CMTR1: variants seen among roughly 807,000 people sequenced by gnomAD.
The protein encoded by CMTR1 is cap methyltransferase 1.
Under a neutral mutation model 107.0 loss-of-function variants are expected in CMTR1, and 39 were observed. The ratio of observed to expected loss-of-function variants is 0.36; its 90% CI spans 0.28 to 0.48. CMTR1 has a LOEUF of 0.48. Among genes scored for constraint, CMTR1 ranks in the 20% least tolerant of loss-of-function variants. The pLI, the probability that CMTR1 is intolerant of heterozygous loss-of-function variation, is 0.99. For synonymous variants in CMTR1, 366 were observed against 379.5 expected (o/e 0.96, Z 0.41); for missense variants, 672 against 1,064.9 (o/e 0.63, Z 5.14).
At chr6:37,476,226 T>C in intron 20 of CMTR1, 32 bp downstream of exon 20, 1 of 1,610,562 alleles carries the variant, frequency 6.2e-7, no homozygotes, top group Non-Finnish European at 8.5e-7. Context: ...TCCATGCTTC[T>C]TTCTGGCCAG....
At chr6:37,435,459 C>A (rs1771506248) in intron 1 of CMTR1, among the ~76,000 whole-genome samples, 165 bp from the exon 2 acceptor site, 1 of 152,186 alleles carries the variant, frequency 6.6e-6, no homozygotes, top group Admixed American at 6.5e-5. Context: ...GTCTAGCATC[C>A]TTCCTAGACC....
At chr6:37,444,247 G>C (rs1307459224) in intron 3 of CMTR1, 97 bp downstream of exon 3, 7 of 1,460,884 alleles carry the variant, frequency 4.8e-6, no homozygotes, top group Middle Eastern at 1.8e-4. Context: ...TTTGGCCATA[G>C]GTTTTTCCTT....
Position 37,472,038 on chromosome 6 carries a change from G to A in CMTR1, c.1620+134G>A. On this transcript the variant is annotated intron_variant, in intron 15 of 23. Transcript: ENST00000373451. The surrounding 1 kb of genome is among the most constrained non-coding windows in gnomAD (Gnocchi z 4.1). ...CTGCTACCCTCACAGCATCCCAGAG[G>A]TTGACATCTCGGCATTGTTGGTAGT... is the stretch of plus-strand genomic sequence containing the variant. 1 of 786,294 alleles carries A rather than the reference G, an allele frequency of 1.3e-6. No individual in the cohort carries two copies. The highest frequency in any genetic ancestry group is 2.0e-6 in the Non-Finnish European group (1 of 495,008). The allele number at this position is 786,294 out of a possible 1,614,324, so 48.7% of individuals were successfully genotyped here. A position where few individuals can be genotyped will look rare whatever the true frequency, so the allele number is the denominator to read the frequency against.
At chr6:37,474,932 T>G (rs1046312683) in intron 18 of CMTR1, among the ~76,000 whole-genome samples, 1 of 152,132 alleles carries the variant, frequency 6.6e-6, no homozygotes. Flanking sequence ...CTGATTTAGT[T>G]TTTGACCAGA....
chr6:37,475,514 C>G (rs1761719974), intron 19 of CMTR1, 102 bp downstream of exon 19: 6 of 924,676 alleles, frequency 6.5e-6, no homozygotes, highest in Non-Finnish European at 1.0e-5. Context: ...GCCTTCTCTG[C>G]TTGTTGACAT....
intron 16 of CMTR1, 81 bp from the exon 17 acceptor site, chr6:37,473,389 G>A (rs1445011970): frequency 1.7e-5 from 25 of 1,501,866 alleles, no homozygotes; most frequent in African/African-American, 2.8e-5. Context: ...TTGCCTTGTC[G>A]AGCCTGCCCC....
intron 2 of CMTR1, among the ~76,000 whole-genome samples, chr6:37,441,740 G>A (rs1771681686): frequency 6.6e-6 from 1 of 152,102 alleles, no homozygotes; most frequent in Admixed American, 6.5e-5. Flanking sequence ...ACATTCTTGT[G>A]TCTCACAAAT....
At position 37,474,610 on chromosome 6, in the gene CMTR1, G is replaced by C. The variant is rs1761699619; in HGVS notation, c.1908G>C (p.Leu636=). ...AGACAGAGCTGCCCCGGGACACTCT[G>C]CTATCTGTGGAAATTGTGCATGAGC... is the stretch of plus-strand genomic sequence containing the variant. ...DLKTELPRDT[L]LSVEIVHELK... Residue 636 remains leucine, a synonymous_variant, in exon 18 of 24, where the codon CTG becomes CTC. Coordinates refer to ENST00000373451, the MANE Select transcript of CMTR1 (RefSeq NM_015050.3). 6.2e-7 allele frequency: 1 copy of C among 1,614,050 alleles called. No individual in the cohort carries two copies. Among genetic ancestry groups the C allele is most frequent in the Non-Finnish European group, 8.5e-7 (1 of 1,179,966 alleles).
intron 4 of CMTR1, 112 bp downstream of exon 4, chr6:37,446,561 G>A (rs1771799574): frequency 7.7e-7 from 1 of 1,296,310 alleles, no homozygotes; most frequent in East Asian, 2.3e-5. Context: ...TGAGCAAAGT[G>A]GAATTAGTTT....
intron 13 of CMTR1, among the ~76,000 whole-genome samples, chr6:37,469,521 C>CTTTTT (rs763917812): frequency 1.3e-3 from 83 of 61,606 alleles, no homozygotes; most frequent in Non-Finnish European, 1.6e-3. Flanking sequence ...TTGTTTTATC[C>CTTTTT]TTTTTTTTTT....
At chr6:37,424,487 T>TC in the CMTR1 span, among the ~76,000 whole-genome samples, 29 of 152,116 alleles carry the variant, frequency 1.9e-4, 1 homozygote, top group East Asian at 3.1e-3. Context: ...GACCTCGTGA[T>TC]CCGCCCACCT....
chr6:37,476,261 G>A (rs1761735098), intron 20 of CMTR1, 67 bp downstream of exon 20: 6 of 1,524,516 alleles, frequency 3.9e-6, no homozygotes, highest in Admixed American at 1.7e-5. Flanking sequence ...GTCCAGTGAG[G>A]GACAGGAGGG....
chr6:37,455,720 AAG>A (rs1447571309), intron 8 of CMTR1, among the ~76,000 whole-genome samples: 1 of 152,176 alleles, frequency 6.6e-6, no homozygotes, highest in Non-Finnish European at 1.5e-5. Context: ...CGCCACTGGA[AAG>A]AGAAAAACAT....
chr6:37,477,457 C>T (rs1037918929), intron 20 of CMTR1, 135 bp from the exon 21 acceptor site: 17 of 758,408 alleles, frequency 2.2e-5, no homozygotes, highest in Middle Eastern at 6.8e-4. Context: ...TCCTCGCTGC[C>T]GGTGGGCTGG....
At position 37,470,600 on chromosome 6, in the gene CMTR1, A is replaced by G. The variant is rs1761604295; in HGVS notation, c.1506-421A>G. Among the ~76,000 whole-genome samples, 4 of 152,238 alleles carry G rather than the reference A, an allele frequency of 2.6e-5. No individual in the cohort carries two copies. The South Asian group carries it at 8.3e-4, about 32-fold the overall frequency. ...GGGTAGCATTTTCTTGCTTCATCGT[A>G]TGCCTCATAATTTTTTTATTAAATG... On this transcript the variant is annotated intron_variant, in intron 13 of 23. Transcript: ENST00000373451.
chr6:37,476,671 A>G (rs1325048701), intron 20 of CMTR1, among the ~76,000 whole-genome samples: 1 of 152,144 alleles, frequency 6.6e-6, no homozygotes, highest in African/African-American at 2.4e-5. Context: ...GGACCCTGAG[A>G]GAGAAAGGAG....
At chr6:37,426,063 T>C in the CMTR1 span, among the ~76,000 whole-genome samples, 3 of 152,322 alleles carry the variant, frequency 2.0e-5, no homozygotes, top group African/African-American at 4.8e-5. Flanking sequence ...AATCCAACTT[T>C]GAATACTTCT....
Position 37,458,487 on chromosome 6 carries a change from C to A in CMTR1, c.778-125C>A. The A allele has an allele frequency of 2.4e-6, 2 of 842,158 alleles. No homozygotes were observed. The highest frequency in any genetic ancestry group is 3.7e-6 in the Non-Finnish European group (2 of 546,876). 52.2% of individuals were successfully genotyped at this position (842,158 alleles called of 1,614,324 possible). A position where few individuals can be genotyped will look rare whatever the true frequency, so the allele number is the denominator to read the frequency against. ...AAGATACATTTCCTGGGTGCTGTAG[C>A]TCTGGTGGGAGCTCTGGATTGTACT... On this transcript the variant is annotated intron_variant, in intron 8 of 23. Transcript: ENST00000373451. The surrounding 1 kb of genome is among the most constrained non-coding windows in gnomAD (Gnocchi z 4.7).
chr6:37,475,357 C>G lies in CMTR1; in HGVS notation c.1981C>G (p.Leu661Val). 1 of 1,614,034 alleles carries G rather than the reference C, an allele frequency of 6.2e-7. No homozygotes were observed. Among genetic ancestry groups the G allele is most frequent in the South Asian group, 1.1e-5 (1 of 91,030 alleles). ...GAGGAAGATCAGTGCCATCCACATCCTCGATGTCCTTGTGCTGAATGGCAC... is the reference window on the plus strand; with the variant it reads ...GAGGAAGATCAGTGCCATCCACATCGTCGATGTCCTTGTGCTGAATGGCAC... ...AQRKISAIHI[L>V]DVLVLNGTDV... is the part of the protein sequence containing the mutation. The change falls in exon 19 of 24, where the codon CTC (leucine) becomes GTC (valine). Residue 661 changes from leucine (L) to valine (V), a missense_variant. Transcript: ENST00000373451.
Sources: gnomAD v4.1 joint callset for allele counts (sites outside exome capture counted in the v4.1 genomes callset) on GRCh38, gnomAD v4.1.1 for gene constraint, Gnocchi (gnomAD v3.1) non-coding constraint, MANE v1.5 for transcripts, NCBI Gene and HGNC (gene_info 2026-07-23, HGNC 2026-07-21) for gene names.